The following RAB11FIP4 variants were observed in gnomAD, a reference collection of about 807,000 sequenced individuals.
The protein encoded by RAB11FIP4 is RAB11 family interacting protein 4.
RAB11FIP4 carries 23 observed loss-of-function variants against 74.3 expected under a neutral mutation model. The ratio of observed to expected loss-of-function variants is 0.31; its 90% CI spans 0.22 to 0.44. The LOEUF is 0.44. RAB11FIP4 is among the 20% of genes least tolerant of loss of function. RAB11FIP4 has a pLI of 1.00. For missense variants in RAB11FIP4, 630 were observed against 863.9 expected (o/e 0.73, Z 3.39); for synonymous variants, 360 against 359.9 (o/e 1.00, Z 0.00).
intron 3 of RAB11FIP4, among the ~76,000 whole-genome samples, chr17:31,471,137 A>C (rs558985062): frequency 1.3e-4 from 19 of 150,986 alleles, no homozygotes; most frequent in African/African-American, 4.6e-4. Flanking sequence ...ATCATGGCTC[A>C]CTGCAGCCTT....
At chr17:31,441,543 T>C (rs944457673) in intron 3 of RAB11FIP4, among the ~76,000 whole-genome samples, 3 of 151,920 alleles carry the variant, frequency 2.0e-5, no homozygotes, top group Non-Finnish European at 2.9e-5. Context: ...TATTTATTTA[T>C]TGAAACAGGG....
At chr17:31,470,919 G>C (rs2071730487) in intron 3 of RAB11FIP4, among the ~76,000 whole-genome samples, 2 of 152,206 alleles carry the variant, frequency 1.3e-5, no homozygotes, top group Admixed American at 1.3e-4. Context: ...CCACATAGTA[G>C]ATGCAGTTTT....
rs2072816490 is a variant in RAB11FIP4 at position 31,528,765 on chromosome 17, A to G, written c.1640A>G (p.Lys547Arg). Residue 547 changes from lysine to arginine, a missense_variant, in exon 13 of 15, where the codon AAG (lysine) becomes AGG (arginine). Physicochemically the swap from Lys to Arg is conservative, Grantham distance 26. Transcript: ENST00000621161. Reference sequence around the variant, plus strand: ...GAGGTGGAGCTCGAGCACGAGGTCAAGCGGCTCAAGCAGGTGGGTCTAGCA... The same window carrying G: ...GAGGTGGAGCTCGAGCACGAGGTCAGGCGGCTCAAGCAGGTGGGTCTAGCA... The part of the protein sequence containing the change: ...AREVELEHEV[K>R]RLKQENYKLR... The G allele has an allele frequency of 6.2e-7, 1 of 1,609,266 alleles. No homozygotes were observed. The highest frequency in any genetic ancestry group is 8.5e-7 in the Non-Finnish European group (1 of 1,178,756).
intron 3 of RAB11FIP4, chr17:31,448,472 G>A (rs1488946698): frequency 1.4e-5 from 2 of 144,942 alleles, no homozygotes; most frequent in Non-Finnish European, 3.0e-5. Context: ...CCTCAAGCAA[G>A]TCTCCCAGCT....
intron 3 of RAB11FIP4, among the ~76,000 whole-genome samples, chr17:31,464,321 T>C (rs1483084855): frequency 6.6e-6 from 1 of 151,956 alleles, no homozygotes; most frequent in Non-Finnish European, 1.5e-5. Flanking sequence ...ACAGAGCAGC[T>C]GTTACTGTCA....
intron 3 of RAB11FIP4, among the ~76,000 whole-genome samples, chr17:31,471,164 A>G (rs1000307024): frequency 6.6e-6 from 1 of 151,604 alleles, no homozygotes; most frequent in Non-Finnish European, 1.5e-5. Context: ...CTGACCTCAA[A>G]CGATCCTTCC....
chr17:31,506,420 C>T (rs1337301056), intron 3 of RAB11FIP4, among the ~76,000 whole-genome samples: 1 of 152,220 alleles, frequency 6.6e-6, no homozygotes, highest in Admixed American at 6.5e-5. Context: ...TATCTTCTAG[C>T]TATTTTTAAA....
chr17:31,498,414 A>G (rs1313608427), intron 3 of RAB11FIP4, among the ~76,000 whole-genome samples: 2 of 152,186 alleles, frequency 1.3e-5, no homozygotes, highest in South Asian at 2.1e-4. Flanking sequence ...CATGGGGGCT[A>G]TGTGCTGATG....
At chr17:31,436,826 C>A (rs1263351270) in intron 3 of RAB11FIP4, among the ~76,000 whole-genome samples, 1 of 146,738 alleles carries the variant, frequency 6.8e-6, no homozygotes, top group Non-Finnish European at 1.5e-5. Flanking sequence ...CTTGCTCTAT[C>A]GCCCAGGCTG....
intron 3 of RAB11FIP4, among the ~76,000 whole-genome samples, chr17:31,514,019 G>A (rs1430450865): frequency 6.6e-6 from 1 of 152,242 alleles, no homozygotes; most frequent in East Asian, 1.9e-4. Flanking sequence ...TGAGACAGGC[G>A]AGGAGCTTGC....
chr17:31,419,014 C>T (rs565208792), intron 1 of RAB11FIP4, among the ~76,000 whole-genome samples: 73 of 152,226 alleles, frequency 4.8e-4, no homozygotes, highest in Admixed American at 8.5e-4. Flanking sequence ...GCCTTTTGCA[C>T]GTAAATGGAA....
At chr17:31,493,159 C>T (rs1194932885) in intron 3 of RAB11FIP4, among the ~76,000 whole-genome samples, 8 of 152,236 alleles carry the variant, frequency 5.3e-5, no homozygotes, top group Non-Finnish European at 1.2e-4. Flanking sequence ...AGTTTTCCAA[C>T]TGTTGGTCAC....
chr17:31,396,961 G>A (rs1191297481), intron 1 of RAB11FIP4, among the ~76,000 whole-genome samples: 2 of 152,136 alleles, frequency 1.3e-5, no homozygotes, highest in Non-Finnish European at 2.9e-5. Context: ...GCCTGCTATG[G>A]GGGAATTGCT....
intron 3 of RAB11FIP4, among the ~76,000 whole-genome samples, chr17:31,455,853 T>G (rs890994922): frequency 5.3e-5 from 8 of 152,180 alleles, no homozygotes; most frequent in Admixed American, 3.3e-4. Context: ...CCTTACCTGC[T>G]GCAGTGAATG....
intron 3 of RAB11FIP4, among the ~76,000 whole-genome samples, chr17:31,508,184 A>G (rs905074619): frequency 3.3e-5 from 5 of 152,186 alleles, no homozygotes; most frequent in African/African-American, 9.7e-5. Context: ...GAAGTGGCAC[A>G]GTGGGGAGAG....
chr17:31,400,042 C>CA (rs563945627), intron 1 of RAB11FIP4, among the ~76,000 whole-genome samples: 3,373 of 110,636 alleles, frequency 0.03, 116 homozygotes, highest in African/African-American at 0.089. Flanking sequence ...GATTCCATCT[C>CA]AAAAAAAAAA....
At chr17:31,460,513 A>G (rs1265039175) in intron 3 of RAB11FIP4, among the ~76,000 whole-genome samples, 1 of 152,212 alleles carries the variant, frequency 6.6e-6, no homozygotes, top group Non-Finnish European at 1.5e-5. Flanking sequence ...AGCCGCTGGC[A>G]TCAGTTAGGA....
Position 31,517,893 on chromosome 17 carries a change from C to G in RAB11FIP4, c.563+16C>G. 6.5e-7 allele frequency: 1 copy of G among 1,540,942 alleles called. No homozygotes were observed. Among genetic ancestry groups the G allele is most frequent in the African/African-American group, 1.4e-5 (1 of 72,936 alleles). ...CAGAAGACAAGTGAGTTAAAACCAC[C>G]TGAAGCTCCATATTTGCCCTCTCAG... On this transcript the variant is annotated intron_variant, in intron 4 of 14. Coordinates refer to ENST00000621161, the MANE Select transcript of RAB11FIP4 (RefSeq NM_032932.6).
intron 1 of RAB11FIP4, among the ~76,000 whole-genome samples, chr17:31,414,897 A>G (rs1418164853): frequency 2.0e-5 from 3 of 152,238 alleles, no homozygotes; most frequent in Non-Finnish European, 4.4e-5. Flanking sequence ...TTATAACACA[A>G]GGGTCCAAGG....
Sources: allele counts gnomAD v4.1 joint callset (sites outside exome capture counted in the v4.1 genomes callset), GRCh38; gene constraint gnomAD v4.1.1; transcripts MANE v1.5; gene names NCBI Gene and HGNC (gene_info 2026-07-23, HGNC 2026-07-21).